NRP2: variants seen among roughly 807,000 people sequenced by gnomAD.
The protein encoded by NRP2 is neuropilin-2.
In NRP2, 52 loss-of-function variants were observed where a neutral mutation model predicts 110.4. The ratio of observed to expected loss-of-function variants is 0.47; its 90% CI spans 0.38 to 0.59. The LOEUF (loss-of-function observed/expected upper bound fraction) is 0.59, where lower values mean the gene tolerates loss of function less well. NRP2 is among the 20% of genes least tolerant of loss of function. The probability of loss-of-function intolerance (pLI) is 0.00; values close to 1 mark genes in which losing one functional copy is unlikely to be tolerated. For synonymous variants in NRP2, 508 were observed against 468.9 expected, an observed-to-expected ratio of 1.08 and a Z score of -1.08; for missense variants, 1,049 against 1,203.0, an observed-to-expected ratio of 0.87 and a Z score of 1.89.
intron 2 of NRP2, among the ~76,000 whole-genome samples, chr2:205,709,266 CTG>C (rs1344536965): frequency 3.3e-5 from 5 of 152,222 alleles, no homozygotes; most frequent in African/African-American, 1.2e-4. Context: ...CTGCCTCTAA[CTG>C]TGCTTTTCGT....
At chr2:205,773,515 GAGA>G (rs2058053959) in intron 15 of NRP2, among the ~76,000 whole-genome samples, 1 of 152,194 alleles carries the variant, frequency 6.6e-6, no homozygotes, top group South Asian at 2.1e-4. Context: ...AGGATAAGTA[GAGA>G]AGGAGAAGAG....
At chr2:205,770,738 G>A (rs1243426982) in intron 15 of NRP2, among the ~76,000 whole-genome samples, 2 of 152,202 alleles carry the variant, frequency 1.3e-5, no homozygotes, top group Non-Finnish European at 1.5e-5. Context: ...CAGATAGGCA[G>A]CTGTAGTGTG....
At chr2:205,693,387 G>A (rs2056353470) in intron 1 of NRP2, among the ~76,000 whole-genome samples, 1 of 152,084 alleles carries the variant, frequency 6.6e-6, no homozygotes, top group South Asian at 2.1e-4. Flanking sequence ...GACTTGCAGA[G>A]AAGCCCTTCT....
intron 15 of NRP2, chr2:205,767,501 G>T (rs1330570919): frequency 4.1e-6 from 2 of 493,250 alleles, no homozygotes; most frequent in African/African-American, 2.0e-5. Flanking sequence ...AATCAGAAAG[G>T]ACGTGTTCTC....
intron 15 of NRP2, among the ~76,000 whole-genome samples, chr2:205,782,600 G>T (rs1388406343): frequency 6.6e-6 from 1 of 152,168 alleles, no homozygotes; most frequent in Non-Finnish European, 1.5e-5. Flanking sequence ...AAACATGTAT[G>T]TTCATGTTGA....
intron 1 of NRP2, among the ~76,000 whole-genome samples, chr2:205,688,454 A>G (rs769217986): frequency 6.6e-6 from 1 of 152,194 alleles, no homozygotes; most frequent in Non-Finnish European, 1.5e-5. Flanking sequence ...TCAAAGCTTT[A>G]TCTGCCTTGA....
rs761565919 is a variant in NRP2 at position 205,740,655 on chromosome 2, G to T, written c.1283G>T (p.Arg428Leu). 2 of 1,614,122 alleles carry T rather than the reference G, an allele frequency of 1.2e-6. No homozygotes were observed. Among genetic ancestry groups the T allele is most frequent in the Non-Finnish European group, 1.7e-6 (2 of 1,180,028 alleles). The change falls in exon 8 of 17, where the codon CGG becomes CTG. Residue 428 changes from arginine (R) to leucine (L), a missense_variant. Arg to Leu is a moderately radical substitution (Grantham distance 102). Transcript: ENST00000357785. ...IALRLELFGC[R>L]VTDAPCSNML... The stretch of plus-strand genomic sequence containing the variant: ...CTCCGGCTGGAGCTCTTCGGCTGCC[G>T]GGTCACAGGTGAGGTGGGGGCTCCA...
At chr2:205,715,728 T>C (rs1186225200) in intron 2 of NRP2, among the ~76,000 whole-genome samples, 1 of 152,128 alleles carries the variant, frequency 6.6e-6, no homozygotes, top group East Asian at 1.9e-4. Flanking sequence ...ATATATATTT[T>C]TTTTCATTCT....
At chr2:205,730,757 T>C (rs1210918301) in intron 7 of NRP2, among the ~76,000 whole-genome samples, 10 of 152,060 alleles carry the variant, frequency 6.6e-5, no homozygotes, top group Admixed American at 3.3e-4. Flanking sequence ...GTTTAATGAG[T>C]GCTCAAGGTG....
chr2:205,790,468 C>T (rs1177374647), intron 15 of NRP2, among the ~76,000 whole-genome samples: 1 of 152,062 alleles, frequency 6.6e-6, no homozygotes, highest in Non-Finnish European at 1.5e-5. Flanking sequence ...AAACAAGATC[C>T]CTAAAAGCAA....
At chr2:205,777,183 C>A in intron 15 of NRP2, 1 of 980,260 alleles carries the variant, frequency 1.0e-6, no homozygotes, top group Non-Finnish European at 1.2e-6. Context: ...TGTTGGCTGT[C>A]ATTGTCATCT....
Position 205,743,524 on chromosome 2 carries a change from T to G in NRP2, c.1613T>G (p.Ile538Ser). Reference sequence around the variant, plus strand: ...CTAAACGGCAAGGACTGGGAATACATTCAGGACCCCAGGACCCAGCAGCCA... The same window carrying G: ...CTAAACGGCAAGGACTGGGAATACAGTCAGGACCCCAGGACCCAGCAGCCA... The part of the protein sequence containing the change: ...YSLNGKDWEY[I>S]QDPRTQQPKL... Residue 538 changes from isoleucine (I) to serine (S), a missense_variant, in exon 9 of 17, where the codon ATT becomes AGT. Physicochemically the swap from Ile to Ser is moderately radical, Grantham distance 142. Transcript: ENST00000357785. 6.2e-7 allele frequency: 1 copy of G among 1,614,192 alleles called. No individual in the cohort carries two copies. The highest frequency in any genetic ancestry group is 2.2e-5 in the East Asian group (1 of 44,870).
intron 15 of NRP2, among the ~76,000 whole-genome samples, chr2:205,789,153 G>T (rs1013082236): frequency 6.6e-6 from 1 of 152,136 alleles, no homozygotes; most frequent in Non-Finnish European, 1.5e-5. Context: ...TATTAGAAGG[G>T]GGCAGTAGGG....
intron 10 of NRP2, among the ~76,000 whole-genome samples, chr2:205,748,942 G>A (rs1228683083): frequency 6.6e-6 from 1 of 152,230 alleles, no homozygotes; most frequent in Non-Finnish European, 1.5e-5. Flanking sequence ...CCTGCAGCCA[G>A]GTTTGGCCTA....
chr2:205,689,798 T>C (rs11889208), intron 1 of NRP2, among the ~76,000 whole-genome samples: 3,516 of 152,182 alleles, frequency 0.023, 137 homozygotes, highest in African/African-American at 0.079. Context: ...GGGAACACCG[T>C]GTTTAAGGCG....
chr2:205,686,384 C>T lies in NRP2; in HGVS notation c.73+3021C>T, dbSNP rs909872640. ...TCCCGCCTCCCCTCCCCAGCCGCCT[C>T]GCTCTTTGCTTTTCCACGTGAGAAA... On this transcript the variant is annotated intron_variant, in intron 1 of 16. Coordinates refer to ENST00000357785, the MANE Select transcript of NRP2 (RefSeq NM_003872.3). This position sits in a 1 kb window ranked among gnomAD's most constrained non-coding sequence, Gnocchi z 4.7. 1.7e-4 allele frequency among the ~76,000 whole-genome samples: 26 copies of T among 152,128 alleles called. No individual in the cohort carries two copies. The highest frequency in any genetic ancestry group is 1.7e-3 in the Admixed American group (26 of 15,284).
chr2:205,733,934 T>C (rs2057291271), intron 7 of NRP2, among the ~76,000 whole-genome samples: 1 of 152,072 alleles, frequency 6.6e-6, no homozygotes, highest in Admixed American at 6.5e-5. Context: ...GCAGTAAATC[T>C]AGCGGGCCCC....
At chr2:205,717,298 C>T (rs1575579708) in intron 3 of NRP2, among the ~76,000 whole-genome samples, 1 of 152,226 alleles carries the variant, frequency 6.6e-6, no homozygotes, top group East Asian at 1.9e-4. Flanking sequence ...CCCAGCAGCC[C>T]AAGTTTTACA....
intron 15 of NRP2, among the ~76,000 whole-genome samples, chr2:205,789,091 A>G (rs1240846379): frequency 6.6e-6 from 1 of 152,210 alleles, no homozygotes; most frequent in African/African-American, 2.4e-5. Flanking sequence ...ACAGGCAACC[A>G]AAGTGTGTAT....
Sources: allele counts gnomAD v4.1 joint callset (sites outside exome capture counted in the v4.1 genomes callset), GRCh38; gene constraint gnomAD v4.1.1; non-coding constraint Gnocchi (gnomAD v3.1); transcripts MANE v1.5; gene names NCBI Gene and HGNC (gene_info 2026-07-23, HGNC 2026-07-21).